ADGRB3: variants seen among roughly 807,000 people sequenced by gnomAD.
ADGRB3 encodes the protein adhesion G protein-coupled receptor B3.
A neutral mutation model predicts 193.4 loss-of-function variants in ADGRB3; 37 were observed. The ratio of observed to expected loss-of-function variants is 0.19; its 90% CI spans 0.15 to 0.25. The LOEUF is 0.25. ADGRB3 is among the 10% of genes least tolerant of loss of function. ADGRB3 has a pLI of 1.00. For synonymous variants in ADGRB3, 690 were observed against 644.2 expected (o/e 1.07, Z -1.08); for missense variants, 1,637 against 1,852.9 (o/e 0.88, Z 2.14).
intron 3 of ADGRB3, among the ~76,000 whole-genome samples, chr6:68,868,910 G>GTGTGTGT (rs372367034): frequency 0.024 from 2,572 of 106,458 alleles, 36 homozygotes; most frequent in Non-Finnish European, 0.033. Context: ...TCCAGATAAT[G>GTGTGTGT]ATGTGTGTGT....
intron 13 of ADGRB3, among the ~76,000 whole-genome samples, chr6:69,020,832 T>C (rs1770241521): frequency 6.6e-6 from 1 of 152,078 alleles, no homozygotes; most frequent in African/African-American, 2.4e-5. Context: ...TGCGCCATAG[T>C]ATTCAGGAGT....
At chr6:69,304,090 GT>G (rs202240608) in intron 20 of ADGRB3, among the ~76,000 whole-genome samples, 1 of 150,696 alleles carries the variant, frequency 6.6e-6, no homozygotes, top group Non-Finnish European at 1.5e-5. Context: ...AAATACAAGG[GT>G]TTTTTTTAAA....
chr6:68,726,583 A>G (rs1271753056), intron 3 of ADGRB3, among the ~76,000 whole-genome samples: 1 of 151,638 alleles, frequency 6.6e-6, no homozygotes, highest in African/African-American at 2.4e-5. Flanking sequence ...CCATGTGGAC[A>G]GGGCACAGAA....
At chr6:68,686,990 G>A (rs866713303) in intron 3 of ADGRB3, among the ~76,000 whole-genome samples, 14 of 152,026 alleles carry the variant, frequency 9.2e-5, no homozygotes, top group Middle Eastern at 3.4e-3. Flanking sequence ...TTTGAAAAAC[G>A]TGCATTCAGT....
At chr6:68,925,231 C>T (rs943813183) in intron 3 of ADGRB3, among the ~76,000 whole-genome samples, 4 of 151,898 alleles carry the variant, frequency 2.6e-5, no homozygotes, top group African/African-American at 7.2e-5. Flanking sequence ...TCAAGGCAAA[C>T]TCTTACAAAT....
At chr6:69,282,078 A>C (rs2067070873) in intron 20 of ADGRB3, among the ~76,000 whole-genome samples, 2 of 152,164 alleles carry the variant, frequency 1.3e-5, no homozygotes, top group South Asian at 4.1e-4. Flanking sequence ...CCAGGAGCTC[A>C]GAATGAAAAG....
chr6:69,063,537 GC>G (rs1771812050), intron 16 of ADGRB3, among the ~76,000 whole-genome samples: 2 of 151,964 alleles, frequency 1.3e-5, no homozygotes, highest in African/African-American at 4.8e-5. Flanking sequence ...AATTTAAGTT[GC>G]ATGCCACAGT....
intron 26 of ADGRB3, among the ~76,000 whole-genome samples, chr6:69,346,351 C>T (rs1037401245): frequency 6.6e-5 from 10 of 152,148 alleles, no homozygotes; most frequent in African/African-American, 2.2e-4. Context: ...TACAAGCCTA[C>T]AGTAACCAAA....
intron 20 of ADGRB3, among the ~76,000 whole-genome samples, chr6:69,290,522 G>T (rs989669922): frequency 6.6e-6 from 1 of 152,044 alleles, no homozygotes; most frequent in Non-Finnish European, 1.5e-5. Flanking sequence ...TTCAAATAAA[G>T]GATAGCTGCT....
intron 3 of ADGRB3, among the ~76,000 whole-genome samples, chr6:68,763,627 G>T (rs920386221): frequency 1.3e-5 from 2 of 152,048 alleles, no homozygotes; most frequent in African/African-American, 2.4e-5. Context: ...AGTGATGGCG[G>T]GTATTTCTAT....
intron 3 of ADGRB3, among the ~76,000 whole-genome samples, chr6:68,750,347 A>G (rs757363233): frequency 3.9e-5 from 6 of 152,138 alleles, no homozygotes; most frequent in Non-Finnish European, 7.4e-5. Flanking sequence ...GATAGGGTGA[A>G]TTTTCAGAAA....
At chr6:69,206,598 CCCCAACTCAAATATTATTA>C (rs1356328413) in intron 17 of ADGRB3, among the ~76,000 whole-genome samples, 1 of 152,076 alleles carries the variant, frequency 6.6e-6, no homozygotes, top group Non-Finnish European at 1.5e-5. Context: ...ACGCACCAAT[CCCCAACTCAAATATTATTA>C]CCTAACATTA....
chr6:69,089,848 T>C (rs1772655479), intron 17 of ADGRB3, among the ~76,000 whole-genome samples: 1 of 152,132 alleles, frequency 6.6e-6, no homozygotes, highest in Non-Finnish European at 1.5e-5. Context: ...ACCCTCTTAG[T>C]TGTGATGGCC....
chr6:69,178,238 A>G (rs1048709380), intron 17 of ADGRB3, among the ~76,000 whole-genome samples: 3 of 152,140 alleles, frequency 2.0e-5, no homozygotes, highest in Non-Finnish European at 4.4e-5. Context: ...TTTATCTGAT[A>G]TAATAATAGT....
At chr6:69,024,346 A>T (rs953963931) in intron 13 of ADGRB3, among the ~76,000 whole-genome samples, 1 of 152,192 alleles carries the variant, frequency 6.6e-6, no homozygotes, top group African/African-American at 2.4e-5. Context: ...TGGGATTCTC[A>T]ATTCTGTAAC....
In ADGRB3 at chr6:69,258,853, T is replaced by G. The variant is rs2127271799; in HGVS notation, c.2814+19627T>G. On this transcript the variant is annotated intron_variant, in intron 20 of 31. Coordinates refer to ENST00000370598, the MANE Select transcript of ADGRB3 (RefSeq NM_001704.3). ...ACCTTCAGGAGTTGAACGGATAGAT[T>G]AAAAATGCTCCACAGGCGATTCTGA... Among the ~76,000 whole-genome samples the G allele has an allele frequency of 1.3e-5, 2 of 152,252 alleles. 1 individual carries two copies. Among genetic ancestry groups the G allele is most frequent in the South Asian group, 4.1e-4 (2 of 4,822 alleles).
intron 21 of ADGRB3, among the ~76,000 whole-genome samples, chr6:69,325,742 T>G (rs1768553640): frequency 6.6e-6 from 1 of 152,208 alleles, no homozygotes; most frequent in Non-Finnish European, 1.5e-5. Context: ...AGGAGGAACC[T>G]GGGAAATTAC....
chr6:68,784,771 G>A lies in ADGRB3; in HGVS notation c.757+145339G>A, dbSNP rs114010316. 2.6e-3 allele frequency among the ~76,000 whole-genome samples: 400 copies of A among 152,092 alleles called. 1 individual carries two copies. The highest frequency in any genetic ancestry group is 9.0e-3 in the African/African-American group (372 of 41,518). The stretch of plus-strand genomic sequence containing the variant: ...CTGCCTTCTTTGATTTTACTTTCTC[G>A]TATGCACTCATTTGAGTTATATCTC... On this transcript the variant is annotated intron_variant, in intron 3 of 31. Transcript: ENST00000370598.
chr6:68,843,051 C>CGAA (rs1554203956), intron 3 of ADGRB3, among the ~76,000 whole-genome samples: 1 of 129,920 alleles, frequency 7.7e-6, no homozygotes, highest in African/African-American at 2.8e-5. Flanking sequence ...TATACAACAA[C>CGAA]AAAAAAAAAA....
Sources: allele counts gnomAD v4.1 joint callset (sites outside exome capture counted in the v4.1 genomes callset), GRCh38; gene constraint gnomAD v4.1.1; transcripts MANE v1.5; gene names NCBI Gene and HGNC (gene_info 2026-07-23, HGNC 2026-07-21).